The following SCD5 variants were observed in gnomAD, a reference collection of about 807,000 sequenced individuals.
SCD5 encodes stearoyl-CoA desaturase 5.
Under a neutral mutation model 30.4 loss-of-function variants are expected in SCD5, and 20 were observed. The observed-to-expected ratio is 0.66, with a 90% CI of 0.46 to 0.96. SCD5 has a LOEUF of 0.96. Among genes scored for constraint, SCD5 ranks in the 40% least tolerant of loss-of-function variants. SCD5 has a pLI of 0.00. For missense variants in SCD5, 381 were observed against 443.3 expected (o/e 0.86, Z 1.26); for synonymous variants, 173 against 176.4 (o/e 0.98, Z 0.16).
chr4:82,638,588 T>G (rs970620568), intron 3 of SCD5, among the ~76,000 whole-genome samples: 2 of 152,124 alleles, frequency 1.3e-5, no homozygotes, highest in Non-Finnish European at 2.9e-5. Flanking sequence ...CCCCCACACT[T>G]CCAGGTCTGC....
chr4:82,730,743 G>A (rs191589914), intron 1 of SCD5, among the ~76,000 whole-genome samples: 3,564 of 151,308 alleles, frequency 0.024, 65 homozygotes, highest in South Asian at 0.039. Flanking sequence ...CCACCACCAC[G>A]CCCGGCTAAT....
chr4:82,732,859 C>T (rs1486705218), intron 1 of SCD5, among the ~76,000 whole-genome samples: 1 of 152,136 alleles, frequency 6.6e-6, no homozygotes, highest in Non-Finnish European at 1.5e-5. Flanking sequence ...AGATCCTCCA[C>T]CTCAGTGGTT....
chr4:82,755,223 G>A (rs2148844028), intron 1 of SCD5, among the ~76,000 whole-genome samples: 1 of 152,322 alleles, frequency 6.6e-6, no homozygotes, highest in Non-Finnish European at 1.5e-5. Flanking sequence ...AAAGGGGCCA[G>A]GCATGGTGGC....
At chr4:82,793,653 A>T (rs1722146403) in intron 1 of SCD5, among the ~76,000 whole-genome samples, 1 of 152,042 alleles carries the variant, frequency 6.6e-6, no homozygotes, top group Non-Finnish European at 1.5e-5. Flanking sequence ...TGAATAATTA[A>T]CACCAACCAA....
intron 1 of SCD5, among the ~76,000 whole-genome samples, chr4:82,720,375 G>C (rs1720340756): frequency 7.6e-6 from 1 of 132,382 alleles, no homozygotes; most frequent in African/African-American, 2.9e-5. Context: ...CGAGGCTGCA[G>C]TGAGTTGTAA....
intron 1 of SCD5, among the ~76,000 whole-genome samples, chr4:82,708,219 G>A (rs948187186): frequency 6.6e-6 from 1 of 152,124 alleles, no homozygotes; most frequent in African/African-American, 2.4e-5. Flanking sequence ...ACATTAAATA[G>A]GTGAGTTGTA....
Position 82,680,889 on chromosome 4 carries a change from C to T in SCD5, c.387G>A (p.Arg129=). 1.2e-6 allele frequency: 2 copies of T among 1,605,894 alleles called. No homozygotes were observed. Among genetic ancestry groups the T allele is most frequent in the Middle Eastern group, 1.7e-4 (1 of 6,024 alleles). Residue 129 remains arginine (R), a synonymous_variant, in exon 3 of 5, where the codon AGG becomes AGA. Transcript: ENST00000319540. ...AGTACTTGTGGTGGGCTCGGTGGTCCCTGGACCACTCGAAGATGTCATTCT... is the reference window on the plus strand; with the variant it reads ...AGTACTTGTGGTGGGCTCGGTGGTCTCTGGACCACTCGAAGATGTCATTCT... ...AFQNDIFEWS[R]DHRAHHKYSE...
rs1434340881 is a variant in SCD5 at position 82,712,294 on chromosome 4, A to T, written c.233-6881T>A. On this transcript the variant is annotated intron_variant, in intron 1 of 4. Transcript: ENST00000319540. ...TATATATATATATATATATATATAT[A>T]TATTTTATTTTTATTTTATTTTTTT... Among the ~76,000 whole-genome samples, 198 of 32,010 alleles carry T rather than the reference A, an allele frequency of 6.2e-3. 38 individuals carry two copies. Among genetic ancestry groups the T allele is most frequent in the African/African-American group, 0.024 (181 of 7,674 alleles). The allele number at this position is 32,010 out of a possible 152,430, so 21.0% of individuals were successfully genotyped here.
rs555717730 is a variant in SCD5, at chr4:82,788,066, A to G, written c.232+10240T>C. Reference sequence around the variant, plus strand: ...TCAATCAATCAATCAATACTTTTTAAAAGGCTGGAGAGAGAAGAGACCCTT... The same window carrying G: ...TCAATCAATCAATCAATACTTTTTAGAAGGCTGGAGAGAGAAGAGACCCTT... On this transcript the variant is annotated intron_variant, in intron 1 of 4. Coordinates refer to ENST00000319540, the MANE Select transcript of SCD5 (RefSeq NM_001037582.3). Among the ~76,000 whole-genome samples the G allele has an allele frequency of 4.6e-5, 7 of 152,264 alleles. No individual in the cohort carries two copies. The East Asian group carries it at 1.2e-3, about 25-fold the overall frequency.
chr4:82,736,469 G>T (rs1365825877), intron 1 of SCD5, among the ~76,000 whole-genome samples: 2 of 151,786 alleles, frequency 1.3e-5, no homozygotes, highest in African/African-American at 4.8e-5. Context: ...TTAGCCAGGC[G>T]TGGTGGCAGC....
At chr4:82,704,592 G>A (rs575627760) in intron 2 of SCD5, among the ~76,000 whole-genome samples, 2 of 152,266 alleles carry the variant, frequency 1.3e-5, no homozygotes, top group South Asian at 2.1e-4. Context: ...AGTTTTCATT[G>A]ATTTTATAAC....
chr4:82,705,528 T>G lies in SCD5; in HGVS notation c.233-115A>C. The stretch of plus-strand genomic sequence containing the variant: ...GTGAAATGGTGTCAGGGGGGAAAGC[T>G]GCAACATGAAGAATCAATAACTTGA... On this transcript the variant is annotated intron_variant, in intron 1 of 4. Coordinates refer to ENST00000319540, the MANE Select transcript of SCD5 (RefSeq NM_001037582.3). 2.2e-6 allele frequency: 3 copies of G among 1,357,392 alleles called. No individual in the cohort carries two copies. In the South Asian group the frequency reaches 4.3e-5, roughly 19 times the overall value. The allele number at this position is 1,357,392 out of a possible 1,614,324, so 84.1% of individuals were successfully genotyped here. A position where few individuals can be genotyped will look rare whatever the true frequency, so the allele number is the denominator to read the frequency against.
intron 2 of SCD5, chr4:82,691,595 GA>G (rs1728838116): frequency 6.6e-6 from 1 of 151,672 alleles, no homozygotes; most frequent in Admixed American, 6.6e-5. Context: ...TTCCTGATAG[GA>G]AATTCCACAA....
At chr4:82,794,508 G>A (rs1026814519) in intron 1 of SCD5, among the ~76,000 whole-genome samples, 8 of 152,190 alleles carry the variant, frequency 5.3e-5, no homozygotes, top group African/African-American at 1.4e-4. Context: ...TAACTGCAAG[G>A]CCTCACTCCC....
intron 3 of SCD5, among the ~76,000 whole-genome samples, chr4:82,657,883 T>C (rs1420841998): frequency 6.6e-6 from 1 of 152,238 alleles, no homozygotes; most frequent in African/African-American, 2.4e-5. Context: ...AATTCACTCA[T>C]GATTTGGCTG....
At chr4:82,786,874 T>C (rs1221550470) in intron 1 of SCD5, among the ~76,000 whole-genome samples, 2 of 152,072 alleles carry the variant, frequency 1.3e-5, no homozygotes, top group Non-Finnish European at 2.9e-5. Context: ...GCACTTACCT[T>C]AAGTAGGCAT....
chr4:82,769,296 C>T lies in SCD5; in HGVS notation c.232+29010G>A, dbSNP rs1721565117. ...CTAGAGGAATCCCTAAGATCCCCTC[C>T]AGCTATAATACTCTGTCCTTTAATA... On this transcript the variant is annotated intron_variant, in intron 1 of 4. Transcript: ENST00000319540. 2.0e-5 allele frequency among the ~76,000 whole-genome samples: 3 copies of T among 152,128 alleles called. No individual in the cohort carries two copies. The South Asian group carries it at 6.2e-4, about 31-fold the overall frequency.
chr4:82,789,648 G>T (rs978279388), intron 1 of SCD5, among the ~76,000 whole-genome samples: 1 of 152,178 alleles, frequency 6.6e-6, no homozygotes, highest in Admixed American at 6.5e-5. Flanking sequence ...GAAACCTGCA[G>T]CCTGCCAGGA....
At chr4:82,635,404 G>T (rs1727403674) in intron 4 of SCD5, among the ~76,000 whole-genome samples, 1 of 152,006 alleles carries the variant, frequency 6.6e-6, no homozygotes, top group African/African-American at 2.4e-5. Context: ...CGGATCATGA[G>T]GTCAGGAGAT....
Sources: gnomAD v4.1 joint callset for allele counts (sites outside exome capture counted in the v4.1 genomes callset) on GRCh38, gnomAD v4.1.1 for gene constraint, MANE v1.5 for transcripts, NCBI Gene and HGNC (gene_info 2026-07-23, HGNC 2026-07-21) for gene names.